Variants in FNTB observed in about 807,000 individuals in gnomAD.
The protein encoded by FNTB is farnesyltransferase, CAAX box, subunit beta, also known as protein farnesyltransferase subunit beta.
Under a neutral mutation model 59.4 loss-of-function variants are expected in FNTB, and 27 were observed. The ratio of observed to expected loss-of-function variants is 0.45; its 90% confidence interval spans 0.34 to 0.63. FNTB has a LOEUF of 0.63. Ranked by LOEUF, FNTB falls within the 20% of genes least tolerant of loss-of-function variation. The pLI is 0.02. For missense variants in FNTB, 449 were observed against 559.6 expected (o/e 0.80, Z 1.99); for synonymous variants, 230 against 220.7 (o/e 1.04, Z -0.37).
At chr14:65,037,450 A>T (rs1595069290) in intron 7 of FNTB, among the ~76,000 whole-genome samples, 2 of 21,104 alleles carry the variant, frequency 9.5e-5, no homozygotes, top group African/African-American at 1.7e-4. Context: ...TTTTTTTGAG[A>T]CGTCTCTTTT....
In FNTB at chr14:65,012,216, C is replaced by T. The variant is rs1039487936; in HGVS notation, c.210-101C>T. ...CAGTCAGTGATTGCAGGGGGACGTC[C>T]TGAAGCTGAGTGTTTACCCGTGTGT... On this transcript the variant is annotated intron_variant, in intron 2 of 11. Transcript: ENST00000246166. This position sits in a 1 kb window ranked among gnomAD's most constrained non-coding sequence, Gnocchi z 5.0. 1.8e-5 allele frequency: 27 copies of T among 1,471,198 alleles called. No homozygotes were observed. In the African/African-American group the frequency reaches 2.6e-4, roughly 14 times the overall value. 91.1% of individuals were successfully genotyped at this position (1,471,198 alleles called of 1,614,324 possible).
At chr14:65,038,691 C>G (rs2062272065) in intron 7 of FNTB, among the ~76,000 whole-genome samples, 1 of 152,150 alleles carries the variant, frequency 6.6e-6, no homozygotes, top group Admixed American at 6.5e-5. Context: ...GTACTCCAGC[C>G]TCGGCATCAG....
chr14:65,022,231 C>T (rs1389987632), intron 4 of FNTB: 8 of 357,700 alleles, frequency 2.2e-5, no homozygotes, highest in African/African-American at 1.1e-4. Context: ...CCTCCTAAGC[C>T]GTTCTGCCCA....
rs146733960 is a variant in FNTB at position 65,024,291 on chromosome 14, C to T, written c.375-3162C>T. ...ACCTGGGTCCCACCCATAGTGATTCCGGTTTAATTGGAATTAGGTGTGGCT... is the reference window on the plus strand; with the variant it reads ...ACCTGGGTCCCACCCATAGTGATTCTGGTTTAATTGGAATTAGGTGTGGCT... On this transcript the variant is annotated intron_variant, in intron 4 of 11. Coordinates refer to ENST00000246166, the MANE Select transcript of FNTB (RefSeq NM_002028.4). 6.8e-4 allele frequency among the ~76,000 whole-genome samples: 104 copies of T among 151,936 alleles called. 1 individual carries two copies. In the Middle Eastern group the frequency reaches 0.01, roughly 15 times the overall value.
intron 1 of FNTB, among the ~76,000 whole-genome samples, chr14:64,989,258 G>A (rs1888083457): frequency 7.6e-6 from 1 of 132,190 alleles, no homozygotes; most frequent in Non-Finnish European, 1.6e-5. Context: ...AACATAGCAA[G>A]ACCCTGTCTC....
intron 1 of FNTB, among the ~76,000 whole-genome samples, chr14:64,996,766 C>CTTT (rs34327825): frequency 1.4e-3 from 135 of 94,424 alleles, no homozygotes; most frequent in South Asian, 2.6e-3. Flanking sequence ...TTGCTAACAT[C>CTTT]TTTTTTTTTT....
chr14:65,047,978 A>ATTT lies in FNTB; in HGVS notation c.955+3560_955+3562dup, dbSNP rs34879850. Among the ~76,000 whole-genome samples the ATTT allele has an allele frequency of 1.2e-4, 8 of 64,146 alleles. No homozygotes were observed. Among genetic ancestry groups the ATTT allele is most frequent in the South Asian group, 6.3e-4 (1 of 1,588 alleles). 42.1% of individuals were successfully genotyped at this position (64,146 alleles called of 152,430 possible). On this transcript the variant is annotated intron_variant, in intron 9 of 11. Coordinates refer to ENST00000246166, the MANE Select transcript of FNTB (RefSeq NM_002028.4). This position sits in a 1 kb window ranked among gnomAD's most constrained non-coding sequence, Gnocchi z 5.2. The stretch of plus-strand genomic sequence containing the variant: ...AGACAGAAGGAGGGAGACTTTTTAG[A>ATTT]TTTTTTTTTTTTTTTTTTTTTTTTT...
rs899350463 is a variant in FNTB, at chr14:65,008,068, A to G, written c.209+3755A>G. Among the ~76,000 whole-genome samples, 6 of 152,348 alleles carry G rather than the reference A, an allele frequency of 3.9e-5. No individual in the cohort carries two copies. The South Asian group carries it at 8.3e-4, about 21-fold the overall frequency. On this transcript the variant is annotated intron_variant, in intron 2 of 11. Transcript: ENST00000246166. Reference sequence around the variant, plus strand: ...AGAATTTCCCAGATCCTGAGCAGGTAGAGGATGTATTCCCTTCTTACTGTT... The same window carrying G: ...AGAATTTCCCAGATCCTGAGCAGGTGGAGGATGTATTCCCTTCTTACTGTT...
chr14:64,987,629 G>T (rs1888000939), intron 1 of FNTB: 1 of 161,702 alleles, frequency 6.2e-6, no homozygotes, highest in African/African-American at 2.4e-5. Flanking sequence ...CCAGCTACGT[G>T]TCGGACACAA....
Position 65,012,317 on chromosome 14 carries a change from G to A in FNTB, c.210G>A (p.Arg70=), listed in dbSNP as rs200043511. 267 of 1,613,964 alleles carry A rather than the reference G, an allele frequency of 1.7e-4. No individual in the cohort carries two copies. Among genetic ancestry groups the A allele is most frequent in the Non-Finnish European group, 2.2e-4 (254 of 1,179,974 alleles). ...SSYKFNHLVP[R]LVLQREKHFH... ...GCTTATAAACTGTTTGTCTTTCCAG[G>A]CTTGTTTTGCAGAGGGAGAAGCACT... The change falls in exon 3 of 12, where the codon AGG becomes AGA. Residue 70 remains arginine, a splice_region_variant and synonymous_variant. Transcript: ENST00000246166. This position sits in a 1 kb window ranked among gnomAD's most constrained non-coding sequence, Gnocchi z 5.0.
At chr14:65,055,235 G>T (rs1340885738) in intron 11 of FNTB, among the ~76,000 whole-genome samples, 1 of 152,232 alleles carries the variant, frequency 6.6e-6, no homozygotes, top group Non-Finnish European at 1.5e-5. Context: ...ATAGCCCTAT[G>T]AGGGCAGGAT....
At chr14:65,043,362 A>T (rs1393570331) in intron 8 of FNTB, among the ~76,000 whole-genome samples, 1 of 152,198 alleles carries the variant, frequency 6.6e-6, no homozygotes, top group African/African-American at 2.4e-5. Context: ...TACAGCTTCA[A>T]AGTAAAAGAT....
chr14:65,037,748 A>ATTTATTT (rs1566562870), intron 7 of FNTB, among the ~76,000 whole-genome samples: 1 of 75,748 alleles, frequency 1.3e-5, no homozygotes, highest in South Asian at 4.2e-4. Flanking sequence ...TTTATTATTT[A>ATTTATTT]TTTATTTATT....
At chr14:65,019,290 C>T (rs908444531) in intron 4 of FNTB, among the ~76,000 whole-genome samples, 1 of 152,146 alleles carries the variant, frequency 6.6e-6, no homozygotes, top group Non-Finnish European at 1.5e-5. Context: ...AGTTCGAGAC[C>T]AGTCTGGCCA....
At chr14:65,053,070 G>C (rs2062649656) in intron 9 of FNTB, 168 bp from the exon 10 acceptor site, 1 of 427,220 alleles carries the variant, frequency 2.3e-6, no homozygotes, top group East Asian at 3.7e-5. Flanking sequence ...CAGGAGAAGG[G>C]ACATGCTGTG....
At chr14:65,024,765 C>T (rs961858438) in intron 4 of FNTB, among the ~76,000 whole-genome samples, 1 of 152,002 alleles carries the variant, frequency 6.6e-6, no homozygotes, top group African/African-American at 2.4e-5. Context: ...AAGTTTTTCT[C>T]CCCCTACATT....
chr14:65,024,934 T>C (rs1023190967), intron 4 of FNTB, among the ~76,000 whole-genome samples: 1 of 152,148 alleles, frequency 6.6e-6, no homozygotes, highest in Non-Finnish European at 1.5e-5. Context: ...TTTTTGTTTG[T>C]TTGTTTTTTT....
chr14:65,032,482 G>A lies in FNTB; in HGVS notation c.606-128G>A. On this transcript the variant is annotated intron_variant, in intron 6 of 11. Coordinates refer to ENST00000246166, the MANE Select transcript of FNTB (RefSeq NM_002028.4). The surrounding 1 kb of genome is among the most constrained non-coding windows in gnomAD (Gnocchi z 5.0). ...TTGGAGACCCAGGAGGACTGACCGT[G>A]TGCCAAGAGTGAGGACAGGAGGTGA... 2 of 909,700 alleles carry A rather than the reference G, an allele frequency of 2.2e-6. No homozygotes were observed. Among genetic ancestry groups the A allele is most frequent in the South Asian group, 3.7e-5 (2 of 54,114 alleles). The allele number at this position is 909,700 out of a possible 1,614,324, so 56.4% of individuals were successfully genotyped here. A position where few individuals can be genotyped will look rare whatever the true frequency, so the allele number is the denominator to read the frequency against.
chr14:65,001,496 G>A lies in FNTB; in HGVS notation c.145-2753G>A, dbSNP rs957931729. On this transcript the variant is annotated intron_variant, in intron 1 of 11. Transcript: ENST00000246166. The surrounding 1 kb of genome is among the most constrained non-coding windows in gnomAD (Gnocchi z 5.5). ...CCATGATGAAATCACCTAAGAAGGC[G>A]TCTCTCAGAATGTATCCCTGTAGTT... Among the ~76,000 whole-genome samples the A allele has an allele frequency of 9.9e-5, 15 of 152,142 alleles. No individual in the cohort carries two copies. The highest frequency in any genetic ancestry group is 3.3e-4 in the Admixed American group (5 of 15,284).
Sources: allele counts gnomAD v4.1 joint callset (sites outside exome capture counted in the v4.1 genomes callset), GRCh38; gene constraint gnomAD v4.1.1; non-coding constraint Gnocchi (gnomAD v3.1); transcripts MANE v1.5; gene names NCBI Gene and HGNC (gene_info 2026-07-23, HGNC 2026-07-21).